MTR: variants seen among roughly 807,000 people sequenced by gnomAD.
MTR encodes the protein methionine synthase.
Under a neutral mutation model 154.8 loss-of-function variants are expected in MTR, and 84 were observed. The observed-to-expected ratio is 0.54, with a 90% CI of 0.45 to 0.65. The LOEUF is 0.65. Among genes scored for constraint, MTR ranks in the 30% least tolerant of loss-of-function variants. The probability of loss-of-function intolerance (pLI) is 0.00; values close to 1 mark genes in which losing one functional copy is unlikely to be tolerated. For synonymous variants in MTR, 554 were observed against 553.9 expected, an observed-to-expected ratio of 1.00 and a Z score of 0.00; for missense variants, 1,275 against 1,570.2, an observed-to-expected ratio of 0.81 and a Z score of 3.18.
Position 236,898,387 on chromosome 1 carries a change from T to A in MTR, c.*743T>A, listed in dbSNP as rs79987746. ...TGTTAAGGGTGGTTAACATTTTTTT[T>A]GTTTTGTTTTGTTTTGGTTTTTTTT... On this transcript the variant is annotated 3_prime_UTR_variant, in exon 33 of 33. Transcript: ENST00000366577. 2 of 120,668 alleles carry A rather than the reference T, an allele frequency of 1.7e-5. No individual in the cohort carries two copies. Among genetic ancestry groups the A allele is most frequent in the East Asian group, 5.4e-4 (2 of 3,704 alleles). 7.5% of individuals were successfully genotyped at this position (120,668 alleles called of 1,614,324 possible). A position where few individuals can be genotyped will look rare whatever the true frequency, so the allele number is the denominator to read the frequency against.
intron 27 of MTR, among the ~76,000 whole-genome samples, chr1:236,888,561 A>G (rs901085072): frequency 3.9e-5 from 6 of 152,232 alleles, no homozygotes; most frequent in Non-Finnish European, 7.3e-5. Flanking sequence ...AATTGAATCC[A>G]TATTTCTAAG....
intron 11 of MTR, 50 bp downstream of exon 11, chr1:236,826,946 T>G: frequency 6.6e-7 from 1 of 1,510,896 alleles, no homozygotes; most frequent in Non-Finnish European, 9.2e-7. Flanking sequence ...GATAATCAGG[T>G]AATAATCTAA....
At chr1:236,863,037 GCCCT>G (rs1029927391) in intron 21 of MTR, among the ~76,000 whole-genome samples, 1 of 152,186 alleles carries the variant, frequency 6.6e-6, no homozygotes, top group Non-Finnish European at 1.5e-5. Flanking sequence ...ATACTCACGT[GCCCT>G]CTGTCTGGGC....
At chr1:236,894,957 T>C (rs1293926141) in intron 30 of MTR, 1 of 352,672 alleles carries the variant, frequency 2.8e-6, no homozygotes, top group Admixed American at 4.6e-5. Flanking sequence ...TTCCTCTGCA[T>C]GGAATGAGGG....
intron 30 of MTR, 67 bp from the exon 31 acceptor site, chr1:236,895,286 GGGGGT>G (rs760500574): frequency 1.3e-4 from 201 of 1,502,924 alleles, no homozygotes; most frequent in Non-Finnish European, 1.1e-4. Context: ...TTCTAATTCA[GGGGGT>G]GGAGGCTGCA....
intron 31 of MTR, among the ~76,000 whole-genome samples, chr1:236,896,083 C>G (rs1323366640): frequency 6.6e-6 from 1 of 152,184 alleles, no homozygotes; most frequent in Admixed American, 6.5e-5. Context: ...TGGATTGATT[C>G]TAAAAGCTGA....
chr1:236,850,428 A>G lies in MTR; in HGVS notation c.1600A>G (p.Ile534Val). 3.1e-6 allele frequency: 5 copies of G among 1,613,814 alleles called. No homozygotes were observed. Among genetic ancestry groups the G allele is most frequent in the Non-Finnish European group, 4.2e-6 (5 of 1,179,934 alleles). Reference sequence around the variant, plus strand: ...AAAACTGGGCTTTAATCCAAATGACATTATTTTTGACCCTAATATCCTAAC... The same window carrying G: ...AAAACTGGGCTTTAATCCAAATGACGTTATTTTTGACCCTAATATCCTAAC... ...VKKLGFNPND[I>V]IFDPNILTIG... The change falls in exon 16 of 33, where the codon ATT becomes GTT. Residue 534 changes from isoleucine to valine, a missense_variant. By Grantham distance (29) the Ile-to-Val change is conservative (BLOSUM62 3). Coordinates refer to ENST00000366577, the MANE Select transcript of MTR (RefSeq NM_000254.3).
intron 31 of MTR, 130 bp downstream of exon 31, chr1:236,895,680 C>T: frequency 1.1e-6 from 1 of 875,662 alleles, no homozygotes; most frequent in Non-Finnish European, 1.7e-6. Context: ...CTTATGCTGT[C>T]CTTTTTCACT....
At chr1:236,879,601 C>T (rs1320116669) in intron 24 of MTR, among the ~76,000 whole-genome samples, 3 of 152,180 alleles carry the variant, frequency 2.0e-5, no homozygotes, top group Admixed American at 1.3e-4. Context: ...ATTCTCCTCC[C>T]TCTCCAGGGG....
intron 8 of MTR, among the ~76,000 whole-genome samples, chr1:236,818,574 C>T (rs1661738213): frequency 6.6e-6 from 1 of 152,210 alleles, no homozygotes; most frequent in Non-Finnish European, 1.5e-5. Context: ...TCTATGACTT[C>T]AGCTACAGTC....
intron 15 of MTR, among the ~76,000 whole-genome samples, chr1:236,848,216 G>A (rs1465146306): frequency 1.3e-5 from 2 of 152,108 alleles, no homozygotes; most frequent in Admixed American, 6.5e-5. Flanking sequence ...CACAAGCAGG[G>A]CTGTCTTTGG....
rs1163206339 is a variant in MTR, at chr1:236,826,876, G to A, written c.975G>A (p.Gly325=). Residue 325 remains glycine (G), a synonymous_variant, in exon 11 of 33, where the codon GGG becomes GGA. Transcript: ENST00000366577. ...TCAATATAGTTGGAGGATGCTGTGG[G>A]TCAACACCAGATCATATCAGGTAAT... is the stretch of plus-strand genomic sequence containing the variant. ...GLVNIVGGCC[G]STPDHIREIA... is the part of the protein sequence containing the mutation. 19 of 1,613,876 alleles carry A rather than the reference G, an allele frequency of 1.2e-5. No homozygotes were observed. Among genetic ancestry groups the A allele is most frequent in the Non-Finnish European group, 1.6e-5 (19 of 1,179,952 alleles).
At chr1:236,820,577 G>T in intron 8 of MTR, 4 of 527,924 alleles carry the variant, frequency 7.6e-6, no homozygotes, top group Non-Finnish European at 1.3e-5. Flanking sequence ...GAAAATAAGC[G>T]TCAGTTTCTT....
chr1:236,874,566 A>G (rs1665322238), intron 23 of MTR, among the ~76,000 whole-genome samples, 160 bp from the exon 24 acceptor site: 1 of 150,884 alleles, frequency 6.6e-6, no homozygotes, highest in Non-Finnish European at 1.5e-5. Context: ...ATGAGACTCC[A>G]TCTCAAAAAA....
chr1:236,817,834 G>C (rs966672502), intron 8 of MTR, among the ~76,000 whole-genome samples: 2 of 152,190 alleles, frequency 1.3e-5, no homozygotes, highest in Non-Finnish European at 2.9e-5. Flanking sequence ...GATTGGGCCT[G>C]ACGACTAAGA....
At chr1:236,820,588 A>AAC in intron 8 of MTR, 1 of 109,408 alleles carries the variant, frequency 9.1e-6, no homozygotes. Context: ...TCAGTTTCTT[A>AAC]AAAAAAAAAA....
chr1:236,856,409 TTGGC>T (rs1664204975), intron 18 of MTR, among the ~76,000 whole-genome samples: 1 of 152,112 alleles, frequency 6.6e-6, no homozygotes, highest in Non-Finnish European at 1.5e-5. Context: ...AGTTACCACT[TTGGC>T]CCTAAATCTT....
intron 12 of MTR, among the ~76,000 whole-genome samples, chr1:236,831,185 C>G (rs564614755): frequency 6.6e-6 from 1 of 152,306 alleles, no homozygotes; most frequent in African/African-American, 2.4e-5. Flanking sequence ...GACTGCCTCT[C>G]CTAATACTTT....
At position 236,885,103 on chromosome 1, in the gene MTR, G is replaced by T; in HGVS notation, c.2677-18G>T. The T allele has an allele frequency of 6.7e-7, 1 of 1,494,290 alleles. No individual in the cohort carries two copies. Among genetic ancestry groups the T allele is most frequent in the Non-Finnish European group, 9.3e-7 (1 of 1,071,362 alleles). 92.6% of individuals were successfully genotyped at this position (1,494,290 alleles called of 1,614,324 possible). On this transcript the variant is annotated intron_variant, in intron 25 of 32. Coordinates refer to ENST00000366577, the MANE Select transcript of MTR (RefSeq NM_000254.3). Reference sequence around the variant, plus strand: ...TTTTATCATCTTTTGCTCATCTATGGCTATCTTGCATTTTCAGTGTTCCCA... The same window carrying T: ...TTTTATCATCTTTTGCTCATCTATGTCTATCTTGCATTTTCAGTGTTCCCA...
Sources: gnomAD v4.1 joint callset for allele counts (sites outside exome capture counted in the v4.1 genomes callset) on GRCh38, gnomAD v4.1.1 for gene constraint, MANE v1.5 for transcripts, NCBI Gene and HGNC (gene_info 2026-07-23, HGNC 2026-07-21) for gene names.